The following CD300LB variants were observed in gnomAD, a reference collection of about 807,000 sequenced individuals.
CD300LB encodes CD300 molecule like family member b.
In CD300LB, 18 loss-of-function variants were observed where a neutral mutation model predicts 20.8. That is an observed-to-expected ratio of 0.87 (90% CI 0.60 to 1.28). CD300LB has a LOEUF of 1.28. Among genes scored for constraint, CD300LB ranks in the 50% most tolerant of loss-of-function variants. The pLI is 0.00. For synonymous variants in CD300LB, 91 were observed against 91.3 expected (o/e 1.00, Z 0.02); for missense variants, 222 against 251.8 (o/e 0.88, Z 0.80).
At chr17:74,531,255 C>T in intron 1 of CD300LB, 56 bp downstream of exon 1, 1 of 1,466,078 alleles carries the variant, frequency 6.8e-7, no homozygotes, top group Non-Finnish European at 9.0e-7. Flanking sequence ...CAAATGCCCT[C>T]TGCCTCCTGC....
chr17:74,525,206 G>A (rs943567514), intron 2 of CD300LB, among the ~76,000 whole-genome samples: 2 of 152,114 alleles, frequency 1.3e-5, no homozygotes, highest in African/African-American at 4.8e-5. Context: ...GACGTTGCCC[G>A]TGATGGAAGC....
intron 2 of CD300LB, among the ~76,000 whole-genome samples, chr17:74,525,350 A>G (rs1282731570): frequency 6.6e-6 from 1 of 152,108 alleles, no homozygotes; most frequent in Non-Finnish European, 1.5e-5. Flanking sequence ...GTGTTGTAAG[A>G]CACCCAGAGC....
rs1908162122 is a variant in CD300LB at position 74,530,242 on chromosome 17, TG to T, written c.40+1068del. Among the ~76,000 whole-genome samples, 4 of 152,312 alleles carry T rather than the reference TG, an allele frequency of 2.6e-5. No individual in the cohort carries two copies. The South Asian group carries it at 8.3e-4, about 32-fold the overall frequency. On this transcript the variant is annotated intron_variant, in intron 1 of 3. Coordinates refer to ENST00000392621, the MANE Select transcript of CD300LB (RefSeq NM_174892.4). ...CCCTAGGCACCAGCAGAAAACTGTG[TG>T]GCCCACACACATTGCACACCCTGCG...
In CD300LB at chr17:74,521,491, C is replaced by T. The variant is rs1463590900; in HGVS notation, c.*1247G>A. On this transcript the variant is annotated 3_prime_UTR_variant, in exon 4 of 4. Coordinates refer to ENST00000392621, the MANE Select transcript of CD300LB (RefSeq NM_174892.4). ...CTCTGGCCATTATGGAATTTTCAGG[C>T]CCATCATTGGCCAGAGACCTAAATT... 9.1e-6 allele frequency: 9 copies of T among 985,334 alleles called. No individual in the cohort carries two copies. In the Admixed American group the frequency reaches 5.5e-4, roughly 61 times the overall value. The allele number at this position is 985,334 out of a possible 1,614,324, so 61.0% of individuals were successfully genotyped here. A position where few individuals can be genotyped will look rare whatever the true frequency, so the allele number is the denominator to read the frequency against.
intron 1 of CD300LB, among the ~76,000 whole-genome samples, chr17:74,530,550 A>AACACACACACACAC (rs67278106): frequency 6.4e-4 from 92 of 143,138 alleles, no homozygotes; most frequent in African/African-American, 1.5e-3. Flanking sequence ...CAGGTCCCCC[A>AACACACACACACAC]ACACACACAC....
At position 74,521,675 on chromosome 17, in the gene CD300LB, G is replaced by A. The variant is rs183255736; in HGVS notation, c.*1063C>T. The A allele has an allele frequency of 9.1e-6, 9 of 985,560 alleles. No homozygotes were observed. The East Asian group carries it at 9.1e-4, about 100-fold the overall frequency. 61.1% of individuals were successfully genotyped at this position (985,560 alleles called of 1,614,324 possible). A position where few individuals can be genotyped will look rare whatever the true frequency, so the allele number is the denominator to read the frequency against. On this transcript the variant is annotated 3_prime_UTR_variant, in exon 4 of 4. Transcript: ENST00000392621. ...AGAGCAGGTTGGAGGCGTCCTCATG[G>A]GTGTTCAAAGGGCAACATGCCGAAC... is the stretch of plus-strand genomic sequence containing the variant.
Position 74,521,490 on chromosome 17 carries a change from G to A in CD300LB, c.*1248C>T. 2 of 985,402 alleles carry A rather than the reference G, an allele frequency of 2.0e-6. No individual in the cohort carries two copies. The highest frequency in any genetic ancestry group is 2.4e-6 in the Non-Finnish European group (2 of 829,926). 61.0% of individuals were successfully genotyped at this position (985,402 alleles called of 1,614,324 possible). ...TCTCTGGCCATTATGGAATTTTCAG[G>A]CCCATCATTGGCCAGAGACCTAAAT... On this transcript the variant is annotated 3_prime_UTR_variant, in exon 4 of 4. Coordinates refer to ENST00000392621, the MANE Select transcript of CD300LB (RefSeq NM_174892.4).
intron 1 of CD300LB, among the ~76,000 whole-genome samples, chr17:74,529,738 C>T (rs920424660): frequency 1.3e-5 from 2 of 152,072 alleles, no homozygotes; most frequent in African/African-American, 4.8e-5. Flanking sequence ...TGCAGTGAGC[C>T]AAGGTTGCAC....
At chr17:74,527,047 C>T (rs1414248600) in intron 1 of CD300LB, among the ~76,000 whole-genome samples, 1 of 152,218 alleles carries the variant, frequency 6.6e-6, no homozygotes, top group Non-Finnish European at 1.5e-5. Flanking sequence ...TACAAAGACA[C>T]ACTGGATGTC....
chr17:74,523,118 C>T (rs1907932838), intron 3 of CD300LB: 1 of 569,390 alleles, frequency 1.8e-6, no homozygotes. Context: ...TTTCTAACAT[C>T]ACCTTCTGGG....
At chr17:74,530,576 CACACACACACACA>C (rs1908175266) in intron 1 of CD300LB, among the ~76,000 whole-genome samples, 1 of 144,228 alleles carries the variant, frequency 6.9e-6, no homozygotes, top group Non-Finnish European at 1.5e-5. Flanking sequence ...CACACACACA[CACACACACACACA>C]CACCCAACTC....
Position 74,521,715 on chromosome 17 carries a change from T to C in CD300LB, c.*1023A>G. ...ACATGCCGAACATGTGTGGTGTGTT[T>C]GCTTGTGGGCAGGTGGGGGCGGGAG... is the stretch of plus-strand genomic sequence containing the variant. On this transcript the variant is annotated 3_prime_UTR_variant, in exon 4 of 4. Coordinates refer to ENST00000392621, the MANE Select transcript of CD300LB (RefSeq NM_174892.4). 1.0e-6 allele frequency: 1 copy of C among 985,508 alleles called. No homozygotes were observed. The highest frequency in any genetic ancestry group is 1.7e-5 in the African/African-American group (1 of 57,184). 61.0% of individuals were successfully genotyped at this position (985,508 alleles called of 1,614,324 possible).
In CD300LB at chr17:74,522,620, G is replaced by A; in HGVS notation, c.*118C>T. 6.6e-6 allele frequency: 10 copies of A among 1,523,594 alleles called. No individual in the cohort carries two copies. Among genetic ancestry groups the A allele is most frequent in the Non-Finnish European group, 8.8e-6 (10 of 1,138,170 alleles). The allele number at this position is 1,523,594 out of a possible 1,614,324, so 94.4% of individuals were successfully genotyped here. On this transcript the variant is annotated 3_prime_UTR_variant, in exon 4 of 4. Coordinates refer to ENST00000392621, the MANE Select transcript of CD300LB (RefSeq NM_174892.4). ...GCCCACCAGCTCCAAGGCCAGGGCG[G>A]AGGCCCAGGGCCCCTATCTCAGTCA... is the stretch of plus-strand genomic sequence containing the variant.
intron 2 of CD300LB, 119 bp downstream of exon 2, chr17:74,525,621 GTCTCTCTC>G: frequency 1.4e-6 from 1 of 725,310 alleles, no homozygotes; most frequent in East Asian, 2.7e-5. Context: ...CTGTCTGTCT[GTCTCTCTC>G]TCTCTCTCTC....
At position 74,521,496 on chromosome 17, in the gene CD300LB, C is replaced by T. The variant is rs1355252139; in HGVS notation, c.*1242G>A. Reference sequence around the variant, plus strand: ...GCCATTATGGAATTTTCAGGCCCATCATTGGCCAGAGACCTAAATTCAGTT... The same window carrying T: ...GCCATTATGGAATTTTCAGGCCCATTATTGGCCAGAGACCTAAATTCAGTT... On this transcript the variant is annotated 3_prime_UTR_variant, in exon 4 of 4. Transcript: ENST00000392621. 2.0e-6 allele frequency: 2 copies of T among 985,346 alleles called. No homozygotes were observed. The highest frequency in any genetic ancestry group is 2.3e-4 in the East Asian group (2 of 8,816). 61.0% of individuals were successfully genotyped at this position (985,346 alleles called of 1,614,324 possible).
chr17:74,522,689 C>G lies in CD300LB; in HGVS notation c.*49G>C, dbSNP rs1167671549. 6.2e-7 allele frequency: 1 copy of G among 1,607,160 alleles called. No individual in the cohort carries two copies. Among genetic ancestry groups the G allele is most frequent in the East Asian group, 2.2e-5 (1 of 44,790 alleles). On this transcript the variant is annotated 3_prime_UTR_variant, in exon 4 of 4. Transcript: ENST00000392621. ...TAGATGTTCCTTCCACAGCCCGAGT[C>G]TCTTCTGGAAACGTGGCCAGGGCAG...
chr17:74,522,607 C>A lies in CD300LB; in HGVS notation c.*131G>T. 10 of 1,493,830 alleles carry A rather than the reference C, an allele frequency of 6.7e-6. No individual in the cohort carries two copies. The highest frequency in any genetic ancestry group is 7.1e-6 in the Non-Finnish European group (8 of 1,125,434). The allele number at this position is 1,493,830 out of a possible 1,614,324, so 92.5% of individuals were successfully genotyped here. A position where few individuals can be genotyped will look rare whatever the true frequency, so the allele number is the denominator to read the frequency against. On this transcript the variant is annotated 3_prime_UTR_variant, in exon 4 of 4. Transcript: ENST00000392621. ...AGAACAGGGAGGTGCCCACCAGCTCCAAGGCCAGGGCGGAGGCCCAGGGCC... is the reference window on the plus strand; with the variant it reads ...AGAACAGGGAGGTGCCCACCAGCTCAAAGGCCAGGGCGGAGGCCCAGGGCC...
chr17:74,521,761 C>T lies in CD300LB; in HGVS notation c.*977G>A. 1 of 985,566 alleles carries T rather than the reference C, an allele frequency of 1.0e-6. No individual in the cohort carries two copies. The highest frequency in any genetic ancestry group is 1.2e-6 in the Non-Finnish European group (1 of 830,012). The allele number at this position is 985,566 out of a possible 1,614,324, so 61.1% of individuals were successfully genotyped here. ...GGGAGCACATCTCACATGGGAAGGT[C>T]CCTTTGGTGTGAGGGTCCCTCAACC... is the stretch of plus-strand genomic sequence containing the variant. On this transcript the variant is annotated 3_prime_UTR_variant, in exon 4 of 4. Coordinates refer to ENST00000392621, the MANE Select transcript of CD300LB (RefSeq NM_174892.4).
chr17:74,526,950 A>G (rs1465664742), intron 1 of CD300LB, among the ~76,000 whole-genome samples: 1 of 152,046 alleles, frequency 6.6e-6, no homozygotes, highest in Non-Finnish European at 1.5e-5. Context: ...GAGTCTCTCC[A>G]TTTCCATGGC....
Sources: gnomAD v4.1 joint callset for allele counts (sites outside exome capture counted in the v4.1 genomes callset) on GRCh38, gnomAD v4.1.1 for gene constraint, MANE v1.5 for transcripts, NCBI Gene and HGNC (gene_info 2026-07-23, HGNC 2026-07-21) for gene names.